CTNNA3: variants seen among roughly 807,000 people sequenced by gnomAD.
CTNNA3 encodes the protein catenin alpha 3.
A neutral mutation model predicts 95.7 loss-of-function variants in CTNNA3; 76 were observed. That is an observed-to-expected ratio of 0.79 (90% CI 0.66 to 0.96). The LOEUF (loss-of-function observed/expected upper bound fraction) is 0.96. Ranked by LOEUF, CTNNA3 falls within the 40% of genes least tolerant of loss-of-function variation. CTNNA3 has a pLI of 0.00. For synonymous variants in CTNNA3, 431 were observed against 374.4 expected (o/e 1.15, Z -1.74); for missense variants, 1,191 against 1,089.8 (o/e 1.09, Z -1.31).
intron 5 of CTNNA3, among the ~76,000 whole-genome samples, chr10:67,234,874 C>T (rs1463486108): frequency 1.4e-5 from 2 of 146,090 alleles, no homozygotes; most frequent in Non-Finnish European, 3.0e-5. Context: ...CAATAACAGA[C>T]AAACAGAGAG....
rs551023963 is a variant in CTNNA3, at chr10:67,196,703, TA to T, written c.844-16184del. Among the ~76,000 whole-genome samples, 256 of 152,212 alleles carry T rather than the reference TA, an allele frequency of 1.7e-3. 1 individual carries two copies. Among genetic ancestry groups the T allele is most frequent in the Middle Eastern group, 6.8e-3 (2 of 294 alleles). ...GAATTCTTTCAGTTTTTTATCTTTT[TA>T]TATCAATAATATGATAAACTTTGAA... On this transcript the variant is annotated intron_variant, in intron 6 of 17. Coordinates refer to ENST00000433211, the MANE Select transcript of CTNNA3 (RefSeq NM_013266.4).
At chr10:67,256,075 G>A (rs1162188794) in intron 5 of CTNNA3, among the ~76,000 whole-genome samples, 2 of 151,728 alleles carry the variant, frequency 1.3e-5, no homozygotes, top group Non-Finnish European at 2.9e-5. Flanking sequence ...AAAATTCTTA[G>A]ACCCTTAAAT....
At chr10:67,171,810 G>C (rs950058606) in intron 7 of CTNNA3, among the ~76,000 whole-genome samples, 6 of 152,074 alleles carry the variant, frequency 3.9e-5, no homozygotes, top group Non-Finnish European at 8.8e-5. Flanking sequence ...AATGGAAATT[G>C]ATTTATGAAT....
At chr10:66,225,439 A>G (rs1271855486) in intron 13 of CTNNA3, among the ~76,000 whole-genome samples, 2 of 143,338 alleles carry the variant, frequency 1.4e-5, no homozygotes, top group African/African-American at 5.2e-5. Flanking sequence ...ATAGTATTCC[A>G]TCGTGTATAT....
chr10:66,305,423 C>A (rs1589058578), intron 12 of CTNNA3, among the ~76,000 whole-genome samples: 1 of 152,020 alleles, frequency 6.6e-6, no homozygotes, highest in South Asian at 2.1e-4. Context: ...AGCAGTCAAC[C>A]CTATTTTCTC....
chr10:66,593,448 C>A (rs1843616357), intron 10 of CTNNA3, among the ~76,000 whole-genome samples: 1 of 152,160 alleles, frequency 6.6e-6, no homozygotes, highest in African/African-American at 2.4e-5. Context: ...GATCAAAACA[C>A]AGTTGGACCA....
At chr10:66,059,503 A>G (rs966513715) in intron 15 of CTNNA3, among the ~76,000 whole-genome samples, 8 of 152,068 alleles carry the variant, frequency 5.3e-5, no homozygotes, top group Non-Finnish European at 1.0e-4. Context: ...CATTCCTTTC[A>G]GAGATGAATT....
intron 15 of CTNNA3, among the ~76,000 whole-genome samples, chr10:66,017,429 C>A (rs943463423): frequency 6.6e-6 from 1 of 152,042 alleles, no homozygotes; most frequent in African/African-American, 2.4e-5. Context: ...CATTTAATTT[C>A]TGTTGGAAGA....
intron 7 of CTNNA3, among the ~76,000 whole-genome samples, chr10:66,971,609 C>A (rs1301684879): frequency 6.6e-6 from 1 of 152,008 alleles, no homozygotes; most frequent in African/African-American, 2.4e-5. Context: ...TGTAATGCAC[C>A]TAGTAGAGTG....
intron 7 of CTNNA3, among the ~76,000 whole-genome samples, chr10:66,842,269 C>T (rs535036121): frequency 5.9e-5 from 9 of 151,714 alleles, no homozygotes; most frequent in South Asian, 2.1e-4. Context: ...ACACATCAAC[C>T]TTTCAAATAA....
intron 3 of CTNNA3, among the ~76,000 whole-genome samples, chr10:67,601,537 A>G (rs2133368927): frequency 6.6e-6 from 1 of 152,244 alleles, no homozygotes; most frequent in South Asian, 2.1e-4. Context: ...CCGGTCCACG[A>G]CCCAGGGTTG....
chr10:67,336,062 C>T (rs1347111926), intron 5 of CTNNA3, among the ~76,000 whole-genome samples: 4 of 151,990 alleles, frequency 2.6e-5, no homozygotes, highest in Admixed American at 6.6e-5. Flanking sequence ...ATGTTACCAT[C>T]GTAATTGTTG....
intron 7 of CTNNA3, among the ~76,000 whole-genome samples, chr10:67,059,637 C>A (rs1020227599): frequency 6.6e-6 from 1 of 152,010 alleles, no homozygotes; most frequent in African/African-American, 2.4e-5. Flanking sequence ...TTGTTCTGAT[C>A]TTGAGAAAGT....
chr10:66,228,172 A>G lies in CTNNA3; in HGVS notation c.1884+52298T>C, dbSNP rs1330957509. The stretch of plus-strand genomic sequence containing the variant: ...TGTATTTTTTGTGCCTGTTTTGTTT[A>G]TTTTTGCTCTGAATTTTATTATTTC... On this transcript the variant is annotated intron_variant, in intron 13 of 17. Transcript: ENST00000433211. Among the ~76,000 whole-genome samples the G allele has an allele frequency of 2.0e-5, 3 of 151,106 alleles. No homozygotes were observed. The East Asian group carries it at 5.9e-4, about 30-fold the overall frequency.
rs562237702 is a variant in CTNNA3 at position 66,445,950 on chromosome 10, G to C, written c.1532-66598C>G. On this transcript the variant is annotated intron_variant, in intron 11 of 17. Coordinates refer to ENST00000433211, the MANE Select transcript of CTNNA3 (RefSeq NM_013266.4). ...ATCAAGGCTAAGAAGGAAGAAAAGA[G>C]AGAAGAATCAAATAGATGCAATAAA... Among the ~76,000 whole-genome samples the C allele has an allele frequency of 2.7e-3, 414 of 152,130 alleles. 2 individuals are homozygous for C. The highest frequency in any genetic ancestry group is 9.4e-3 in the African/African-American group (392 of 41,510).
intron 7 of CTNNA3, among the ~76,000 whole-genome samples, chr10:67,173,106 C>T (rs1862090006): frequency 6.6e-6 from 1 of 152,066 alleles, no homozygotes; most frequent in Non-Finnish European, 1.5e-5. Context: ...GTTGCTAACA[C>T]AGGATAATAT....
At chr10:66,044,940 T>C (rs979591176) in intron 15 of CTNNA3, among the ~76,000 whole-genome samples, 1 of 152,056 alleles carries the variant, frequency 6.6e-6, no homozygotes, top group Admixed American at 6.6e-5. Context: ...AGTAATTGAT[T>C]TGTCCATACC....
At chr10:66,744,477 T>C (rs148852135) in intron 9 of CTNNA3, among the ~76,000 whole-genome samples, 42 of 152,238 alleles carry the variant, frequency 2.8e-4, no homozygotes, top group African/African-American at 9.9e-4. Context: ...AATGAGAGCA[T>C]TGGGGTTAGG....
intron 7 of CTNNA3, among the ~76,000 whole-genome samples, chr10:67,168,429 T>C (rs1048633633): frequency 1.2e-4 from 19 of 152,116 alleles, no homozygotes; most frequent in African/African-American, 4.6e-4. Context: ...AAAAAGATAA[T>C]CCACCATGAT....
Sources: gnomAD v4.1 joint callset for allele counts (sites outside exome capture counted in the v4.1 genomes callset) on GRCh38, gnomAD v4.1.1 for gene constraint, MANE v1.5 for transcripts, NCBI Gene and HGNC (gene_info 2026-07-23, HGNC 2026-07-21) for gene names.